Variants in DLC1 observed in about 807,000 individuals in gnomAD.
The protein encoded by DLC1 is rho GTPase-activating protein 7.
DLC1 carries 54 observed loss-of-function variants against 140.3 expected under a neutral mutation model. The ratio of observed to expected loss-of-function variants is 0.38; its 90% confidence interval spans 0.31 to 0.48. The LOEUF (loss-of-function observed/expected upper bound fraction) is 0.48, where lower values mean the gene tolerates loss of function less well. Among genes scored for constraint, DLC1 ranks in the 20% least tolerant of loss-of-function variants. The probability of loss-of-function intolerance (pLI) is 0.96; values close to 1 mark genes in which losing one functional copy is unlikely to be tolerated. For synonymous variants in DLC1, 986 were observed against 728.1 expected (o/e 1.35, Z -5.70); for missense variants, 2,536 against 1,907.0 (o/e 1.33, Z -6.14).
At chr8:13,504,033 G>A (rs999726689) in intron 1 of DLC1, among the ~76,000 whole-genome samples, 1 of 151,806 alleles carries the variant, frequency 6.6e-6, no homozygotes, top group African/African-American at 2.4e-5. Context: ...AGATAGCAGA[G>A]GTAACAATAA....
chr8:13,531,957 G>A (rs1174310770), intron 1 of DLC1, among the ~76,000 whole-genome samples: 1 of 152,220 alleles, frequency 6.6e-6, no homozygotes, highest in Non-Finnish European at 1.5e-5. Flanking sequence ...CACTCAGCTA[G>A]TTAGGGGCAA....
At chr8:13,336,886 T>C (rs186148922) in intron 4 of DLC1, among the ~76,000 whole-genome samples, 53 of 61,982 alleles carry the variant, frequency 8.6e-4, no homozygotes, top group Non-Finnish European at 1.4e-3. Flanking sequence ...AAGACTGATG[T>C]CAAATTTGTC....
chr8:13,591,628 G>A (rs139006003), intron 1 of DLC1, among the ~76,000 whole-genome samples: 1 of 152,142 alleles, frequency 6.6e-6, no homozygotes, highest in Admixed American at 6.6e-5. Context: ...TAAATATTAG[G>A]AGTGTTTTTT....
At chr8:13,536,623 G>T (rs1688937457) in intron 1 of DLC1, among the ~76,000 whole-genome samples, 1 of 152,084 alleles carries the variant, frequency 6.6e-6, no homozygotes, top group Non-Finnish European at 1.5e-5. Context: ...TGAGTTACAG[G>T]GCAATATTTG....
At chr8:13,203,093 A>G (rs1291967581) in intron 5 of DLC1, among the ~76,000 whole-genome samples, 2 of 152,212 alleles carry the variant, frequency 1.3e-5, no homozygotes, top group African/African-American at 4.8e-5. Flanking sequence ...TCTTCTTCTG[A>G]AAACTAACCT....
chr8:13,433,482 A>T (rs1184344686), intron 2 of DLC1, among the ~76,000 whole-genome samples: 2 of 152,332 alleles, frequency 1.3e-5, no homozygotes, highest in East Asian at 3.9e-4. Context: ...AAAAGTTAAC[A>T]ACCAAGTTGG....
intron 2 of DLC1, among the ~76,000 whole-genome samples, 179 bp from the exon 3 acceptor site, chr8:13,401,798 C>A (rs1563317511): frequency 1.3e-5 from 2 of 151,872 alleles, no homozygotes; most frequent in Admixed American, 6.6e-5. Flanking sequence ...TGACCTAGTG[C>A]CAAGAAAGCA....
At chr8:13,235,871 A>G (rs1304283422) in intron 5 of DLC1, among the ~76,000 whole-genome samples, 1 of 152,062 alleles carries the variant, frequency 6.6e-6, no homozygotes, top group Non-Finnish European at 1.5e-5. Flanking sequence ...GGAAAAGACT[A>G]TAAATAGCTG....
intron 2 of DLC1, among the ~76,000 whole-genome samples, chr8:13,421,160 C>T (rs556832128): frequency 6.6e-6 from 1 of 152,140 alleles, no homozygotes; most frequent in Non-Finnish European, 1.5e-5. Context: ...ATCCAGAATA[C>T]ATGTCATTTA....
At chr8:13,567,359 A>G (rs188771522) in intron 1 of DLC1, 65 of 1,551,756 alleles carry the variant, frequency 4.2e-5, no homozygotes. Context: ...AATGCCCTGC[A>G]GTCTTATTGC....
chr8:13,326,223 G>T (rs1232945161), intron 4 of DLC1, among the ~76,000 whole-genome samples: 1 of 152,110 alleles, frequency 6.6e-6, no homozygotes, highest in Non-Finnish European at 1.5e-5. Context: ...CTAAGAGACA[G>T]AAAACTAATC....
chr8:13,187,612 C>G (rs764755981), intron 5 of DLC1, among the ~76,000 whole-genome samples: 1 of 152,174 alleles, frequency 6.6e-6, no homozygotes, highest in African/African-American at 2.4e-5. Context: ...AATAAAGAAA[C>G]AGATATTAGA....
chr8:13,232,416 C>T (rs1399693927), intron 5 of DLC1, among the ~76,000 whole-genome samples: 1 of 152,076 alleles, frequency 6.6e-6, no homozygotes, highest in East Asian at 1.9e-4. Context: ...TCACTGCAAC[C>T]TCTGCCTCCC....
At chr8:13,294,281 G>T (rs1002222002) in intron 5 of DLC1, among the ~76,000 whole-genome samples, 2 of 152,124 alleles carry the variant, frequency 1.3e-5, no homozygotes, top group Non-Finnish European at 2.9e-5. Context: ...CATCTTTTAG[G>T]TGCACCGTAC....
At chr8:13,170,729 C>CAAAAA (rs1179460110) in intron 5 of DLC1, among the ~76,000 whole-genome samples, 1 of 63,140 alleles carries the variant, frequency 1.6e-5, no homozygotes, top group Admixed American at 1.9e-4. Context: ...GACTCCATCT[C>CAAAAA]AAAAAAAAAA....
intron 5 of DLC1, among the ~76,000 whole-genome samples, chr8:13,212,199 A>G (rs1361610444): frequency 2.0e-5 from 3 of 152,202 alleles, no homozygotes; most frequent in African/African-American, 7.2e-5. Context: ...AACAACATAC[A>G]TGGCTTTTTA....
chr8:13,503,678 G>C (rs972896711), intron 1 of DLC1, among the ~76,000 whole-genome samples: 1 of 152,168 alleles, frequency 6.6e-6, no homozygotes, highest in African/African-American at 2.4e-5. Flanking sequence ...ACTGACAGTA[G>C]TTAGTTCATA....
At chr8:13,542,836 A>G (rs993696893) in intron 1 of DLC1, among the ~76,000 whole-genome samples, 1 of 152,118 alleles carries the variant, frequency 6.6e-6, no homozygotes, top group Non-Finnish European at 1.5e-5. Flanking sequence ...ACATGGTTAA[A>G]TCAGTTATTG....
At chr8:13,178,337 C>G (rs192956373) in intron 5 of DLC1, among the ~76,000 whole-genome samples, 10 of 151,964 alleles carry the variant, frequency 6.6e-5, no homozygotes, top group Non-Finnish European at 1.0e-4. Flanking sequence ...CCATGACGGG[C>G]GGATCACGAG....
Sources: allele counts gnomAD v4.1 joint callset (sites outside exome capture counted in the v4.1 genomes callset), GRCh38; gene constraint gnomAD v4.1.1; transcripts MANE v1.5; gene names NCBI Gene and HGNC (gene_info 2026-07-23, HGNC 2026-07-21).